The following ST6GALNAC2 variants were observed in gnomAD, a reference collection of about 807,000 sequenced individuals.
ST6GALNAC2 encodes the protein alpha-N-acetylgalactosaminide alpha-2,6-sialyltransferase 2.
A neutral mutation model predicts 38.7 loss-of-function variants in ST6GALNAC2; 42 were observed. The ratio of observed to expected loss-of-function variants is 1.09; its 90% CI spans 0.85 to 1.40. The LOEUF is 1.40. Among genes scored for constraint, ST6GALNAC2 ranks in the 40% most tolerant of loss-of-function variants. ST6GALNAC2 has a pLI of 0.00. For synonymous variants in ST6GALNAC2, 233 were observed against 209.0 expected (o/e 1.11, Z -0.99); for missense variants, 506 against 481.7 (o/e 1.05, Z -0.47).
At position 76,572,619 on chromosome 17, in the gene ST6GALNAC2, G is replaced by T; in HGVS notation, c.669+18C>A. 1 of 1,613,648 alleles carries T rather than the reference G, an allele frequency of 6.2e-7. No homozygotes were observed. Among genetic ancestry groups the T allele is most frequent in the Non-Finnish European group, 8.5e-7 (1 of 1,179,906 alleles). ...GTGCCATTGTCAACCACAATGGCAT[G>T]CCCGCCAGAGGCCTCACCTGTCCTT... On this transcript the variant is annotated intron_variant, in intron 5 of 8. Transcript: ENST00000225276.
intron 7 of ST6GALNAC2, chr17:76,568,458 TTG>T: frequency 5.6e-6 from 3 of 532,846 alleles, no homozygotes; most frequent in Non-Finnish European, 1.0e-5. Flanking sequence ...GTCTGTGCCT[TTG>T]TATAAACCTC....
chr17:76,577,140 A>C (rs192616665), intron 2 of ST6GALNAC2, among the ~76,000 whole-genome samples: 14,573 of 144,902 alleles, frequency 0.1, 863 homozygotes, highest in Middle Eastern at 0.15. Context: ...GATCTCAGCT[A>C]ACTGCAACCT....
In ST6GALNAC2 at chr17:76,578,774, C is replaced by T. The variant is rs372232557; in HGVS notation, c.168G>A (p.Ser56=). ...SFEAFFQSKA[S]NSWTGKGQAC... The stretch of plus-strand genomic sequence containing the variant: ...ACTCTACCTTTCCTGTCCAAGAATT[C>T]GATGCCTTGGATTGAAAGAATGCTT... The change falls in exon 2 of 9, where the codon TCG becomes TCA. Residue 56 remains serine, a synonymous_variant. Transcript: ENST00000225276. 85 of 1,613,206 alleles carry T rather than the reference C, an allele frequency of 5.3e-5. No individual in the cohort carries two copies. The highest frequency in any genetic ancestry group is 6.2e-5 in the Non-Finnish European group (73 of 1,179,752).
chr17:76,572,721 G>T lies in ST6GALNAC2; in HGVS notation c.585C>A (p.Ser195=). ...TCGTGTTCACAGTGAAACCATAGAAGGAAGTCTTGGTGCCCACATCGCGCT... is the reference window on the plus strand; with the variant it reads ...TCGTGTTCACAGTGAAACCATAGAATGAAGTCTTGGTGCCCACATCGCGCT... ...GFERDVGTKT[S]FYGFTVNTMK... is the part of the protein sequence containing the mutation. Residue 195 remains serine, a synonymous_variant, in exon 5 of 9, where the codon TCC becomes TCA. Transcript: ENST00000225276. 1 of 1,614,180 alleles carries T rather than the reference G, an allele frequency of 6.2e-7. No homozygotes were observed. Among genetic ancestry groups the T allele is most frequent in the Non-Finnish European group, 8.5e-7 (1 of 1,180,024 alleles).
Position 76,565,884 on chromosome 17 carries a change from G to C in ST6GALNAC2, c.*220C>G. 3 of 496,298 alleles carry C rather than the reference G, an allele frequency of 6.0e-6. No homozygotes were observed. Among genetic ancestry groups the C allele is most frequent in the Non-Finnish European group, 1.1e-5 (3 of 284,212 alleles). 30.7% of individuals were successfully genotyped at this position (496,298 alleles called of 1,614,324 possible). A position where few individuals can be genotyped will look rare whatever the true frequency, so the allele number is the denominator to read the frequency against. ...AAGCAGTCCATTTTCCCTTGGCCAA[G>C]ATTGAGATGTATTGTTTTAGATACA... On this transcript the variant is annotated 3_prime_UTR_variant, in exon 9 of 9. Coordinates refer to ENST00000225276, the MANE Select transcript of ST6GALNAC2 (RefSeq NM_006456.3).
At chr17:76,574,994 C>A (rs1429003627) in intron 2 of ST6GALNAC2, among the ~76,000 whole-genome samples, 1 of 152,130 alleles carries the variant, frequency 6.6e-6, no homozygotes. Context: ...CATTTTTGAA[C>A]TGAGCTGGCA....
chr17:76,571,897 G>C (rs897887037), intron 5 of ST6GALNAC2, among the ~76,000 whole-genome samples: 2 of 152,180 alleles, frequency 1.3e-5, no homozygotes, highest in African/African-American at 4.8e-5. Context: ...ATGCTAGCTC[G>C]CATGCAGTGG....
At chr17:76,583,352 G>T (rs1409524343) in intron 1 of ST6GALNAC2, among the ~76,000 whole-genome samples, 1 of 140,834 alleles carries the variant, frequency 7.1e-6, no homozygotes, top group African/African-American at 2.7e-5. Flanking sequence ...CTCCAGCCTG[G>T]GCGACAGAGG....
At chr17:76,567,142 C>T (rs1007907397) in intron 8 of ST6GALNAC2, among the ~76,000 whole-genome samples, 20 of 152,168 alleles carry the variant, frequency 1.3e-4, no homozygotes, top group Non-Finnish European at 8.8e-5. Context: ...TGATTTGAGC[C>T]TTAAATACCA....
chr17:76,583,230 G>T (rs2075500279), intron 1 of ST6GALNAC2, among the ~76,000 whole-genome samples: 1 of 151,984 alleles, frequency 6.6e-6, no homozygotes, highest in Non-Finnish European at 1.5e-5. Context: ...CAAAAAATCA[G>T]CTGGGCATGG....
chr17:76,566,591 C>G (rs1430978460), intron 8 of ST6GALNAC2, among the ~76,000 whole-genome samples: 2 of 152,058 alleles, frequency 1.3e-5, no homozygotes, highest in African/African-American at 4.8e-5. Flanking sequence ...TGTGTGGTGG[C>G]TCACGCCTGT....
At chr17:76,580,828 T>C (rs1038989794) in intron 1 of ST6GALNAC2, 1 of 152,194 alleles carries the variant, frequency 6.6e-6, no homozygotes, top group African/African-American at 2.4e-5. Flanking sequence ...TCTTGCTGTG[T>C]CAGCCTCTAT....
intron 1 of ST6GALNAC2, among the ~76,000 whole-genome samples, chr17:76,580,651 T>C (rs2075464440): frequency 6.7e-6 from 1 of 150,130 alleles, no homozygotes; most frequent in Admixed American, 6.6e-5. Context: ...ACCTGGGAGG[T>C]GGAGCTCGTA....
At position 76,574,366 on chromosome 17, in the gene ST6GALNAC2, T is replaced by G; in HGVS notation, c.360A>C (p.Gln120His). ...TGAGAGACAGCGGGCGCGGGTTACC[T>G]TGGTGAGAGAGCCCCCGCCAGCCAT... ...APYGWRGLSHQVIASTLSLLN... is the reference protein window; with the variant it reads ...APYGWRGLSHHVIASTLSLLN... Residue 120 changes from glutamine to histidine, a missense_variant and splice_region_variant, in exon 3 of 9, where the codon CAA (glutamine) becomes CAC (histidine). Coordinates refer to ENST00000225276, the MANE Select transcript of ST6GALNAC2 (RefSeq NM_006456.3). 1 of 1,611,676 alleles carries G rather than the reference T, an allele frequency of 6.2e-7. No individual in the cohort carries two copies. The highest frequency in any genetic ancestry group is 2.2e-5 in the East Asian group (1 of 44,820).
intron 8 of ST6GALNAC2, among the ~76,000 whole-genome samples, chr17:76,567,155 C>A (rs2075294353): frequency 6.6e-6 from 1 of 152,212 alleles, no homozygotes; most frequent in Non-Finnish European, 1.5e-5. Flanking sequence ...AAATACCATA[C>A]TGAGTGGCTG....
intron 2 of ST6GALNAC2, among the ~76,000 whole-genome samples, chr17:76,576,090 GTT>G (rs35657241): frequency 2.6e-5 from 4 of 151,978 alleles, no homozygotes; most frequent in Non-Finnish European, 5.9e-5. Flanking sequence ...GCAAAAAAAT[GTT>G]TTTTCATTAG....
intron 5 of ST6GALNAC2, among the ~76,000 whole-genome samples, chr17:76,572,383 A>C (rs1224201484): frequency 2.0e-5 from 3 of 152,194 alleles, no homozygotes; most frequent in Admixed American, 6.5e-5. Flanking sequence ...AGTGCCTGGC[A>C]AGTCACAAGC....
Position 76,574,365 on chromosome 17 carries a change from C to A in ST6GALNAC2, c.361G>T (p.Val121Phe). 6.2e-7 allele frequency: 1 copy of A among 1,611,524 alleles called. No homozygotes were observed. The highest frequency in any genetic ancestry group is 8.5e-7 in the Non-Finnish European group (1 of 1,178,692). Residue 121 changes from valine to phenylalanine, a missense_variant and splice_region_variant, in exon 3 of 9, where the codon GTC becomes TTC. Transcript: ENST00000225276. ...GTGAGAGACAGCGGGCGCGGGTTAC[C>A]TTGGTGAGAGAGCCCCCGCCAGCCA... ...PYGWRGLSHQ[V>F]IASTLSLLNG...
At chr17:76,583,520 A>AT (rs2075504765) in intron 1 of ST6GALNAC2, among the ~76,000 whole-genome samples, 1 of 151,836 alleles carries the variant, frequency 6.6e-6, no homozygotes, top group Non-Finnish European at 1.5e-5. Flanking sequence ...CCAAAAGATT[A>AT]TTTTTATAAG....
Sources: allele counts gnomAD v4.1 joint callset (sites outside exome capture counted in the v4.1 genomes callset), GRCh38; gene constraint gnomAD v4.1.1; transcripts MANE v1.5; gene names NCBI Gene and HGNC (gene_info 2026-07-23, HGNC 2026-07-21).